Variants in N4BP2L2 observed in about 807,000 individuals in gnomAD.
The protein encoded by N4BP2L2 is NEDD4 binding protein 2 like 2.
N4BP2L2 carries 50 observed loss-of-function variants against 56.2 expected under a neutral mutation model. The ratio of observed to expected loss-of-function variants is 0.89; its 90% CI spans 0.71 to 1.13. The LOEUF is 1.13. Ranked by LOEUF, N4BP2L2 falls within the 50% of genes most tolerant of loss-of-function variation. N4BP2L2 has a pLI of 0.00. For missense variants in N4BP2L2, 689 were observed against 693.8 expected, an observed-to-expected ratio of 0.99 and a Z score of 0.08; for synonymous variants, 203 against 223.6, an observed-to-expected ratio of 0.91 and a Z score of 0.82.
Position 32,536,196 on chromosome 13 carries a change from AG to A in N4BP2L2, c.831del (p.Tyr278MetfsTer8). On this transcript the variant is annotated frameshift_variant, in exon 2 of 6. Coordinates refer to ENST00000267068, the Ensembl canonical transcript of N4BP2L2. LOFTEE classifies it high-confidence loss of function. ...TTCAAACTGGGAAGAGGGGGACCAT[AG>A]GGCACTATAAAAGGATATACTGACT... 2 of 1,613,666 alleles carry A rather than the reference AG, an allele frequency of 1.2e-6. No individual in the cohort carries two copies. The highest frequency in any genetic ancestry group is 1.7e-6 in the Non-Finnish European group (2 of 1,179,574).
At chr13:32,451,172 C>A (rs1328494009) in intron 6 of N4BP2L2, among the ~76,000 whole-genome samples, 2 of 152,028 alleles carry the variant, frequency 1.3e-5, no homozygotes, top group African/African-American at 4.8e-5. Context: ...GTGGCTCATG[C>A]CTGTAATCCT....
intron 2 of N4BP2L2, among the ~76,000 whole-genome samples, chr13:32,529,653 TTTTG>T (rs1199698144): frequency 1.3e-5 from 1 of 77,186 alleles, no homozygotes; most frequent in African/African-American, 4.0e-5. Context: ...ATGCTTCCTT[TTTTG>T]TTTTTTTTTT....
intron 6 of N4BP2L2, among the ~76,000 whole-genome samples, chr13:32,456,324 A>G (rs1310875012): frequency 6.6e-6 from 1 of 152,208 alleles, no homozygotes; most frequent in African/African-American, 2.4e-5. Flanking sequence ...TGCACCCAGA[A>G]TAAAAGCTAA....
At position 32,445,898 on chromosome 13, in the gene N4BP2L2, C is replaced by T. The variant is rs184395258; in HGVS notation, c.366-1772G>A. Among the ~76,000 whole-genome samples the T allele has an allele frequency of 1.3e-3, 193 of 152,034 alleles. 2 individuals are homozygous for T. Among genetic ancestry groups the T allele is most frequent in the Non-Finnish European group, 2.2e-3 (148 of 68,022 alleles). ...ATTTAGAATATAAAGATCTAGTTAT[C>T]CTGTCTTTCACCCTGGATAATCAGA... On this transcript the variant is annotated intron_variant, in intron 6 of 9. Coordinates refer to the N4BP2L2 transcript ENST00000357505.
chr13:32,504,234 G>C (rs138156604), intron 6 of N4BP2L2, among the ~76,000 whole-genome samples: 2 of 152,164 alleles, frequency 1.3e-5, no homozygotes, highest in African/African-American at 4.8e-5. Flanking sequence ...TAAGAGCTGC[G>C]TATTTATTTG....
chr13:32,453,966 G>A (rs983155577), intron 6 of N4BP2L2, among the ~76,000 whole-genome samples: 7 of 152,150 alleles, frequency 4.6e-5, no homozygotes, highest in African/African-American at 1.4e-4. Flanking sequence ...CTACCACTTG[G>A]GGTAAACAAC....
intron 6 of N4BP2L2, among the ~76,000 whole-genome samples, chr13:32,452,401 T>C: frequency 6.6e-6 from 1 of 152,138 alleles, no homozygotes; most frequent in Non-Finnish European, 1.5e-5. Context: ...CATAGATTGA[T>C]AGAGCCAGGA....
downstream of N4BP2L2, chr13:32,506,728 C>T (rs550343484): frequency 6.6e-6 from 1 of 152,128 alleles, no homozygotes; most frequent in South Asian, 2.1e-4. Context: ...GAACAGCATA[C>T]CACATTCAAG....
At chr13:32,492,910 T>TTG in intron 6 of N4BP2L2, among the ~76,000 whole-genome samples, 2 of 132,564 alleles carry the variant, frequency 1.5e-5, no homozygotes, top group African/African-American at 5.7e-5. Flanking sequence ...GTTTTGTAGC[T>TTG]TTTCTGTTTT....
At chr13:32,517,171 G>T in exon 6 of N4BP2L2, 4 of 985,344 alleles carry the variant, frequency 4.1e-6, no homozygotes, top group Non-Finnish European at 4.8e-6. Context: ...GAAGGAGGAT[G>T]ATAACTATGT....
In N4BP2L2 at chr13:32,531,487, CA is replaced by C. The variant is rs565106807; in HGVS notation, c.1260-3956del. Among the ~76,000 whole-genome samples the C allele has an allele frequency of 1.4e-3, 206 of 152,250 alleles. 3 individuals are homozygous for C. Among genetic ancestry groups the C allele is most frequent in the Admixed American group, 0.013 (196 of 15,294 alleles). On this transcript the variant is annotated intron_variant, in intron 2 of 5. Transcript: ENST00000267068. Reference sequence around the variant, plus strand: ...TTACAAGTGATTTTCAAGAAAAATACAAAATCTAAGTAAAACTGACACATCA... The same window carrying C: ...TTACAAGTGATTTTCAAGAAAAATACAAATCTAAGTAAAACTGACACATCA...
intron 6 of N4BP2L2, among the ~76,000 whole-genome samples, chr13:32,495,878 T>C (rs781080265): frequency 7.9e-5 from 12 of 152,110 alleles, no homozygotes; most frequent in Non-Finnish European, 1.6e-4. Context: ...GAGATGGGGT[T>C]TCCTCATATT....
exon 6 of N4BP2L2, chr13:32,514,060 C>T (rs1046001346): frequency 1.3e-5 from 2 of 152,104 alleles, no homozygotes; most frequent in African/African-American, 2.4e-5. Flanking sequence ...TGGAAAATTC[C>T]AGAATCTGTA....
rs145213793 is a variant in N4BP2L2, at chr13:32,457,868, T to G, written c.366-13742A>C. On this transcript the variant is annotated intron_variant, in intron 6 of 9. Transcript: ENST00000357505. ...ACTACTATTGAAAACCACCAAACCATAAAGATAAACAATAAAAGAGAAACA... is the reference window on the plus strand; with the variant it reads ...ACTACTATTGAAAACCACCAAACCAGAAAGATAAACAATAAAAGAGAAACA... Among the ~76,000 whole-genome samples, 1,013 of 151,916 alleles carry G rather than the reference T, an allele frequency of 6.7e-3. 9 individuals carry two copies. The highest frequency in any genetic ancestry group is 0.023 in the African/African-American group (964 of 41,418).
chr13:32,470,260 A>G (rs1475604091), intron 6 of N4BP2L2, among the ~76,000 whole-genome samples: 1 of 152,118 alleles, frequency 6.6e-6, no homozygotes, highest in African/African-American at 2.4e-5. Flanking sequence ...CCTTCATGGG[A>G]GGGCGACAAT....
chr13:32,480,637 C>T (rs1038176659), intron 6 of N4BP2L2: 10 of 1,286,710 alleles, frequency 7.8e-6, no homozygotes, highest in African/African-American at 1.5e-5. Flanking sequence ...TTCAGTCACA[C>T]CTGAAAATGG....
chr13:32,523,702 A>G (rs1158755787), intron 3 of N4BP2L2: 1 of 151,594 alleles, frequency 6.6e-6, no homozygotes, highest in Non-Finnish European at 1.5e-5. Flanking sequence ...AAAAAAAAAA[A>G]TTAAAAGGCT....
At chr13:32,446,794 A>C (rs984265055) in intron 6 of N4BP2L2, among the ~76,000 whole-genome samples, 1 of 152,226 alleles carries the variant, frequency 6.6e-6, no homozygotes. Flanking sequence ...AAGATGTTAC[A>C]CTTATTATGT....
chr13:32,443,660 T>A, exon 7 of N4BP2L2: 1 of 1,611,414 alleles, frequency 6.2e-7, no homozygotes, highest in South Asian at 1.1e-5. Context: ...TCTACCTTCA[T>A]GCCAGAGCAG....
Sources: gnomAD v4.1 joint callset for allele counts (sites outside exome capture counted in the v4.1 genomes callset) on GRCh38, gnomAD v4.1.1 for gene constraint, MANE v1.5 for transcripts, NCBI Gene and HGNC (gene_info 2026-07-23, HGNC 2026-07-21) for gene names.